PRKG1: variants seen among roughly 807,000 people sequenced by gnomAD.
PRKG1 encodes protein kinase cGMP-dependent 1.
PRKG1 carries 35 observed loss-of-function variants against 88.1 expected under a neutral mutation model. The ratio of observed to expected loss-of-function variants is 0.40; its 90% CI spans 0.30 to 0.53. The LOEUF (loss-of-function observed/expected upper bound fraction) is 0.53. Among genes scored for constraint, PRKG1 ranks in the 20% least tolerant of loss-of-function variants. The probability of loss-of-function intolerance (pLI) is 0.59; values close to 1 mark genes in which losing one functional copy is unlikely to be tolerated. For synonymous variants in PRKG1, 303 were observed against 292.5 expected, an observed-to-expected ratio of 1.04 and a Z score of -0.37; for missense variants, 540 against 839.8, an observed-to-expected ratio of 0.64 and a Z score of 4.41.
intron 5 of PRKG1, among the ~76,000 whole-genome samples, chr10:51,918,908 T>C (rs931345703): frequency 2.0e-5 from 3 of 152,144 alleles, no homozygotes; most frequent in Admixed American, 1.3e-4. Flanking sequence ...CACGGGCTTG[T>C]ACACAGTTGG....
At position 52,010,325 on chromosome 10, in the gene PRKG1, CAACA is replaced by C. The variant is rs151015552; in HGVS notation, c.763-44153_763-44150del. 8.6e-3 allele frequency among the ~76,000 whole-genome samples: 1,309 copies of C among 151,956 alleles called. 24 individuals are homozygous for C. Among genetic ancestry groups the C allele is most frequent in the African/African-American group, 0.03 (1,250 of 41,512 alleles). On this transcript the variant is annotated intron_variant, in intron 5 of 17. Coordinates refer to ENST00000373980, the MANE Select transcript of PRKG1 (RefSeq NM_006258.4). ...CTGTAAGGAACTTTATAAGCAAAAA[CAACA>C]AACAATCACATTAAAAAGTGGGCAA...
chr10:51,607,679 G>A (rs998577095), intron 3 of PRKG1, among the ~76,000 whole-genome samples: 2 of 152,212 alleles, frequency 1.3e-5, no homozygotes, highest in African/African-American at 4.8e-5. Flanking sequence ...CCAGGAGGTA[G>A]AAGGAAGAAA....
At chr10:51,616,736 A>T (rs1292064106) in intron 3 of PRKG1, among the ~76,000 whole-genome samples, 1 of 152,126 alleles carries the variant, frequency 6.6e-6, no homozygotes, top group African/African-American at 2.4e-5. Flanking sequence ...CCTTGGTAGG[A>T]TACACAGGTG....
chr10:52,181,702 C>A lies in PRKG1; in HGVS notation c.1076+19739C>A, dbSNP rs1270895204. On this transcript the variant is annotated intron_variant, in intron 9 of 17. Coordinates refer to ENST00000373980, the MANE Select transcript of PRKG1 (RefSeq NM_006258.4). The stretch of plus-strand genomic sequence containing the variant: ...TGCGGTGTTTGGTTTTTTGTTCTTG[C>A]GATAGTTTACTGAGAATGATGGTTT... 4.7e-5 allele frequency among the ~76,000 whole-genome samples: 4 copies of A among 85,648 alleles called. 1 individual carries two copies. Among genetic ancestry groups the A allele is most frequent in the Middle Eastern group, 5.2e-3 (1 of 192 alleles). The allele number at this position is 85,648 out of a possible 152,430, so 56.2% of individuals were successfully genotyped here.
chr10:51,147,696 C>T (rs529813939), intron 1 of PRKG1, among the ~76,000 whole-genome samples: 15 of 152,234 alleles, frequency 9.9e-5, no homozygotes, highest in African/African-American at 2.2e-4. Context: ...ATAACTATGT[C>T]GCTAACATTA....
intron 2 of PRKG1, among the ~76,000 whole-genome samples, chr10:51,392,049 G>T (rs919908813): frequency 3.9e-5 from 6 of 152,232 alleles, no homozygotes; most frequent in Middle Eastern, 6.8e-3. Context: ...GAAATCAGAG[G>T]AAGTATGTTC....
chr10:51,003,339 G>A (rs944442754), intron 1 of PRKG1, among the ~76,000 whole-genome samples: 2 of 152,196 alleles, frequency 1.3e-5, no homozygotes, highest in Non-Finnish European at 2.9e-5. Flanking sequence ...AGGGTTTGAA[G>A]CATGCTACAT....
chr10:51,040,930 A>C (rs1265080702), intron 1 of PRKG1, among the ~76,000 whole-genome samples: 1 of 152,030 alleles, frequency 6.6e-6, no homozygotes, highest in African/African-American at 2.4e-5. Context: ...ATCTGTAAAC[A>C]AGGATAATTT....
At chr10:51,686,785 G>C (rs1478672709) in intron 3 of PRKG1, among the ~76,000 whole-genome samples, 1 of 152,158 alleles carries the variant, frequency 6.6e-6, no homozygotes. Context: ...AGGAAGGCTA[G>C]AGTGCAGTGG....
At chr10:52,195,902 A>G (rs1413608856) in intron 9 of PRKG1, among the ~76,000 whole-genome samples, 1 of 152,230 alleles carries the variant, frequency 6.6e-6, no homozygotes, top group Non-Finnish European at 1.5e-5. Context: ...GTCAGGAAAA[A>G]GTCTAACCCT....
intron 1 of PRKG1, among the ~76,000 whole-genome samples, chr10:51,138,561 T>G (rs1007231850): frequency 5.1e-4 from 78 of 152,256 alleles, no homozygotes; most frequent in African/African-American, 1.8e-3. Flanking sequence ...TCCTCAATAT[T>G]AGTGAATTCT....
At chr10:51,173,165 CA>C (rs1459561287) in intron 2 of PRKG1, among the ~76,000 whole-genome samples, 2 of 151,924 alleles carry the variant, frequency 1.3e-5, no homozygotes, top group Non-Finnish European at 2.9e-5. Flanking sequence ...ATAAACAATA[CA>C]GCTTTTGAAA....
intron 1 of PRKG1, among the ~76,000 whole-genome samples, chr10:51,036,913 A>C (rs936179835): frequency 6.6e-6 from 1 of 152,216 alleles, no homozygotes; most frequent in Non-Finnish European, 1.5e-5. Flanking sequence ...TGGTGCATCC[A>C]CTTCCTCAGG....
Position 51,667,021 on chromosome 10 carries a change from C to T in PRKG1, c.593-137564C>T, listed in dbSNP as rs886371962. On this transcript the variant is annotated intron_variant, in intron 3 of 17. Coordinates refer to ENST00000373980, the MANE Select transcript of PRKG1 (RefSeq NM_006258.4). ...CCATGTTGGTTGGCCAGGCTGGTCTCGAACTCCTGGGCTCAAGTGATCCAC... is the reference window on the plus strand; with the variant it reads ...CCATGTTGGTTGGCCAGGCTGGTCTTGAACTCCTGGGCTCAAGTGATCCAC... Among the ~76,000 whole-genome samples the T allele has an allele frequency of 3.3e-5, 5 of 152,082 alleles. No homozygotes were observed. The East Asian group carries it at 5.8e-4, about 18-fold the overall frequency.
chr10:51,608,319 T>G (rs1838818862), intron 3 of PRKG1, among the ~76,000 whole-genome samples: 1 of 152,178 alleles, frequency 6.6e-6, no homozygotes, highest in Non-Finnish European at 1.5e-5. Flanking sequence ...TCCTTCTCCC[T>G]GAGAAGTGTG....
intron 3 of PRKG1, among the ~76,000 whole-genome samples, chr10:51,681,442 T>G (rs1840846379): frequency 6.6e-6 from 1 of 152,186 alleles, no homozygotes; most frequent in African/African-American, 2.4e-5. Context: ...AACATGACTA[T>G]TTCTACATAA....
At chr10:52,080,754 A>T (rs1458193957) in intron 7 of PRKG1, among the ~76,000 whole-genome samples, 1 of 152,176 alleles carries the variant, frequency 6.6e-6, no homozygotes, top group Non-Finnish European at 1.5e-5. Flanking sequence ...TAAAGTTTTT[A>T]AAATGAATTT....
At chr10:51,281,590 G>T (rs1382463908) in intron 2 of PRKG1, among the ~76,000 whole-genome samples, 1 of 152,166 alleles carries the variant, frequency 6.6e-6, no homozygotes, top group East Asian at 1.9e-4. Context: ...TGCAGCTCAA[G>T]GAGGCCTGCC....
chr10:51,767,896 GAAAAT>G (rs1029855330), intron 3 of PRKG1, among the ~76,000 whole-genome samples: 2 of 151,712 alleles, frequency 1.3e-5, no homozygotes, highest in African/African-American at 4.8e-5. Flanking sequence ...AGAGAGTAGA[GAAAAT>G]AAAAGACAGA....
Sources: allele counts gnomAD v4.1 joint callset (sites outside exome capture counted in the v4.1 genomes callset), GRCh38; gene constraint gnomAD v4.1.1; transcripts MANE v1.5; gene names NCBI Gene and HGNC (gene_info 2026-07-23, HGNC 2026-07-21).